The following INPP5A variants were observed in gnomAD, a reference collection of about 807,000 sequenced individuals.
The protein encoded by INPP5A is inositol polyphosphate-5-phosphatase A.
Under a neutral mutation model 65.2 loss-of-function variants are expected in INPP5A, and 14 were observed. That is an observed-to-expected ratio of 0.21 (90% CI 0.14 to 0.34). The LOEUF is 0.34. INPP5A is among the 10% of genes least tolerant of loss of function. The pLI, the probability that INPP5A is intolerant of heterozygous loss-of-function variation, is 1.00. For synonymous variants in INPP5A, 207 were observed against 208.3 expected (o/e 0.99, Z 0.05); for missense variants, 431 against 545.6 (o/e 0.79, Z 2.09).
At chr10:132,764,758 G>A (rs1486165701) in intron 11 of INPP5A, among the ~76,000 whole-genome samples, 3 of 137,396 alleles carry the variant, frequency 2.2e-5, no homozygotes, top group South Asian at 2.4e-4. Context: ...GTCCTGCTGC[G>A]GTGGGAGGGT....
At chr10:132,553,521 A>G (rs1590823961) in intron 1 of INPP5A, among the ~76,000 whole-genome samples, 1 of 129,512 alleles carries the variant, frequency 7.7e-6, no homozygotes, top group African/African-American at 3.0e-5. Context: ...CTTGGTGTGG[A>G]ATATTGAGTG....
intron 1 of INPP5A, among the ~76,000 whole-genome samples, chr10:132,559,480 T>C (rs987248029): frequency 2.6e-5 from 4 of 152,226 alleles, no homozygotes; most frequent in Non-Finnish European, 4.4e-5. Context: ...AGAAACCCAG[T>C]ACCCATTTGA....
intron 9 of INPP5A, among the ~76,000 whole-genome samples, chr10:132,731,629 A>G (rs1186113699): frequency 6.6e-6 from 1 of 152,178 alleles, no homozygotes; most frequent in Non-Finnish European, 1.5e-5. Flanking sequence ...GGCACGCAGG[A>G]GGTGGTGGCT....
At chr10:132,581,808 A>G (rs1423099300) in intron 1 of INPP5A, among the ~76,000 whole-genome samples, 4 of 150,922 alleles carry the variant, frequency 2.7e-5, no homozygotes, top group Non-Finnish European at 5.9e-5. Flanking sequence ...ATATTTTGTG[A>G]TACTTTCCCC....
At chr10:132,653,839 C>G (rs1480386812) in intron 4 of INPP5A, among the ~76,000 whole-genome samples, 1 of 152,240 alleles carries the variant, frequency 6.6e-6, no homozygotes, top group Non-Finnish European at 1.5e-5. Flanking sequence ...GCACGGCGCC[C>G]CCCGTCAAAG....
At chr10:132,755,315 G>T (rs1404200459) in intron 11 of INPP5A, among the ~76,000 whole-genome samples, 1 of 150,546 alleles carries the variant, frequency 6.6e-6, no homozygotes, top group African/African-American at 2.4e-5. Flanking sequence ...ATATGCATTT[G>T]AGTGGGCGAG....
At chr10:132,598,976 C>T (rs1205613558) in intron 1 of INPP5A, among the ~76,000 whole-genome samples, 3 of 152,164 alleles carry the variant, frequency 2.0e-5, no homozygotes, top group African/African-American at 2.4e-5. Flanking sequence ...ATTCAATTAC[C>T]TCCCCCTGGG....
In INPP5A at chr10:132,546,332, G is replaced by C. The variant is rs576395690; in HGVS notation, c.75+8161G>C. On this transcript the variant is annotated intron_variant, in intron 1 of 15. Coordinates refer to ENST00000368594, the MANE Select transcript of INPP5A (RefSeq NM_005539.5). The surrounding 1 kb of genome is among the most constrained non-coding windows in gnomAD (Gnocchi z 5.7). The stretch of plus-strand genomic sequence containing the variant: ...TGCCGCTCCAGGTTCAGAAGATGCC[G>C]CTTCTGGTTTTTCCCCGTTGTGAGT... 6.6e-6 allele frequency among the ~76,000 whole-genome samples: 1 copy of C among 152,314 alleles called. No individual in the cohort carries two copies. Among genetic ancestry groups the C allele is most frequent in the South Asian group, 2.1e-4 (1 of 4,828 alleles).
Position 132,537,801 on chromosome 10 carries a change from T to A in INPP5A, c.-296T>A, listed in dbSNP as rs945780065. 7.0e-5 allele frequency: 25 copies of A among 359,184 alleles called. No individual in the cohort carries two copies. The Admixed American group carries it at 9.8e-4, about 14-fold the overall frequency. 22.2% of individuals were successfully genotyped at this position (359,184 alleles called of 1,614,324 possible). A position where few individuals can be genotyped will look rare whatever the true frequency, so the allele number is the denominator to read the frequency against. ...CGCGGGGCGGGACTTGCCCTCAGCCTGAGTCGGCGGCGGCTGCGGGAACTT... is the reference window on the plus strand; with the variant it reads ...CGCGGGGCGGGACTTGCCCTCAGCCAGAGTCGGCGGCGGCTGCGGGAACTT... On this transcript the variant is annotated 5_prime_UTR_variant, in exon 1 of 16. Coordinates refer to ENST00000368594, the MANE Select transcript of INPP5A (RefSeq NM_005539.5).
intron 9 of INPP5A, among the ~76,000 whole-genome samples, chr10:132,734,112 C>T (rs1188534294): frequency 6.6e-6 from 1 of 152,238 alleles, no homozygotes; most frequent in Non-Finnish European, 1.5e-5. Flanking sequence ...GCTCGGTCCA[C>T]GCCACCCGCA....
chr10:132,559,881 T>C (rs1260299392), intron 1 of INPP5A, among the ~76,000 whole-genome samples: 1 of 152,282 alleles, frequency 6.6e-6, no homozygotes, highest in Non-Finnish European at 1.5e-5. Flanking sequence ...ATTTCATGTA[T>C]CTGTTCATCA....
intron 2 of INPP5A, among the ~76,000 whole-genome samples, chr10:132,624,408 G>A (rs74433584): frequency 0.015 from 2,308 of 152,276 alleles, 32 homozygotes; most frequent in South Asian, 0.039. Context: ...TCACACCGGC[G>A]CGCCCTCACC....
chr10:132,607,055 G>A (rs2071866334), intron 1 of INPP5A, among the ~76,000 whole-genome samples: 1 of 152,190 alleles, frequency 6.6e-6, no homozygotes, highest in Admixed American at 6.5e-5. Context: ...CTGAGTGCTC[G>A]CGCTCAGCCT....
At chr10:132,629,978 G>A (rs2133371945) in intron 2 of INPP5A, among the ~76,000 whole-genome samples, 1 of 152,122 alleles carries the variant, frequency 6.6e-6, no homozygotes, top group East Asian at 1.9e-4. Flanking sequence ...GCGTTCTTGA[G>A]GGAACGTCAT....
At position 132,546,832 on chromosome 10, in the gene INPP5A, G is replaced by A. The variant is rs2070980190; in HGVS notation, c.75+8661G>A. On this transcript the variant is annotated intron_variant, in intron 1 of 15. Coordinates refer to ENST00000368594, the MANE Select transcript of INPP5A (RefSeq NM_005539.5). This position sits in a 1 kb window ranked among gnomAD's most constrained non-coding sequence, Gnocchi z 5.7. The stretch of plus-strand genomic sequence containing the variant: ...CTCTCGTTTCTGCCTGGGCCTGCCT[G>A]GCTGGTCTTGCCTGGCCCTGCTTTT... Among the ~76,000 whole-genome samples the A allele has an allele frequency of 6.6e-6, 1 of 152,188 alleles. No homozygotes were observed. Among genetic ancestry groups the A allele is most frequent in the South Asian group, 2.1e-4 (1 of 4,834 alleles).
rs868468582 is a variant in INPP5A at position 132,646,082 on chromosome 10, G to C, written c.218+114G>C. The C allele has an allele frequency of 2.3e-5, 16 of 690,512 alleles. No homozygotes were observed. The African/African-American group carries it at 2.8e-4, about 12-fold the overall frequency. The allele number at this position is 690,512 out of a possible 1,614,324, so 42.8% of individuals were successfully genotyped here. ...GCCTCACCATTCGGGACTCACCTGG[G>C]GGTCATCTTGGCTGAGTCTCAGTTT... On this transcript the variant is annotated intron_variant, in intron 3 of 15. Transcript: ENST00000368594.
intron 1 of INPP5A, among the ~76,000 whole-genome samples, chr10:132,541,622 T>A (rs893174859): frequency 2.0e-5 from 3 of 152,224 alleles, no homozygotes; most frequent in Non-Finnish European, 4.4e-5. Context: ...TGAGAATACA[T>A]AGCTCACTGC....
chr10:132,599,347 C>T lies in INPP5A; in HGVS notation c.76-8568C>T, dbSNP rs186843950. Among the ~76,000 whole-genome samples the T allele has an allele frequency of 8.7e-4, 133 of 152,318 alleles. 1 individual carries two copies. The highest frequency in any genetic ancestry group is 2.7e-3 in the Admixed American group (41 of 15,298). On this transcript the variant is annotated intron_variant, in intron 1 of 15. Transcript: ENST00000368594. ...AGGGGTTACAGGGCCGATGCAAGTC[C>T]GAAATCCAGCGGGGCAGTCAAATTT...
At chr10:132,559,108 C>G (rs2071165668) in intron 1 of INPP5A, among the ~76,000 whole-genome samples, 1 of 152,242 alleles carries the variant, frequency 6.6e-6, no homozygotes, top group Non-Finnish European at 1.5e-5. Context: ...CGGCTGGCCA[C>G]TCACTGCCTC....
Sources: allele counts gnomAD v4.1 joint callset (sites outside exome capture counted in the v4.1 genomes callset), GRCh38; gene constraint gnomAD v4.1.1; non-coding constraint Gnocchi (gnomAD v3.1); transcripts MANE v1.5; gene names NCBI Gene and HGNC (gene_info 2026-07-23, HGNC 2026-07-21).